SPRR2B: variants seen among roughly 807,000 people sequenced by gnomAD.
SPRR2B encodes small proline rich protein 2B.
Under a neutral mutation model 1.0 loss-of-function variants are expected in SPRR2B, and 1 was observed. The observed-to-expected ratio is 1.01, with a 90% CI of 0.36 to 4.77. The LOEUF is 4.77. SPRR2B is among the 30% of genes most tolerant of loss of function. The pLI, the probability that SPRR2B is intolerant of heterozygous loss-of-function variation, is 0.16. For missense variants in SPRR2B, 53 were observed against 88.7 expected, an observed-to-expected ratio of 0.60 and a Z score of 1.62; for synonymous variants, 27 against 33.4, an observed-to-expected ratio of 0.81 and a Z score of 0.66.
chr1:153,081,990 T>C, the SPRR2B span, among the ~76,000 whole-genome samples: 1 of 152,168 alleles, frequency 6.6e-6, no homozygotes, highest in Non-Finnish European at 1.5e-5. Flanking sequence ...AAGTTTTGTA[T>C]TTTTAGTAGA....
chr1:153,070,538 G>C lies in SPRR2B; in HGVS notation c.*83C>G. 3 of 1,557,646 alleles carry C rather than the reference G, an allele frequency of 1.9e-6. No homozygotes were observed. The highest frequency in any genetic ancestry group is 2.6e-6 in the Non-Finnish European group (3 of 1,150,986). On this transcript the variant is annotated 3_prime_UTR_variant, in exon 2 of 2. Coordinates refer to ENST00000368755, the MANE Select transcript of SPRR2B (RefSeq NM_001388198.1). The stretch of plus-strand genomic sequence containing the variant: ...TCCCTATGAATCCATGATAAGCTTT[G>C]ATGAGAAGATGAAGGTGGAGCTGTG...
At chr1:153,085,368 C>T in the SPRR2B span, among the ~76,000 whole-genome samples, 1 of 152,110 alleles carries the variant, frequency 6.6e-6, no homozygotes, top group African/African-American at 2.4e-5. Flanking sequence ...CTACAAAATT[C>T]ATTTTTTGTT....
chr1:153,079,987 C>T, the SPRR2B span, among the ~76,000 whole-genome samples: 1 of 152,098 alleles, frequency 6.6e-6, no homozygotes, highest in African/African-American at 2.4e-5. Flanking sequence ...TTGATTCTTC[C>T]TATCCATGAG....
chr1:153,071,466 A>AT (rs1399435275), intron 1 of SPRR2B, among the ~76,000 whole-genome samples, 103 bp downstream of exon 1: 1 of 152,196 alleles, frequency 6.6e-6, no homozygotes, highest in African/African-American at 2.4e-5. Flanking sequence ...ACTAAGTACC[A>AT]TCAAACCCAT....
chr1:153,079,458 G>A, the SPRR2B span, among the ~76,000 whole-genome samples: 1 of 152,140 alleles, frequency 6.6e-6, no homozygotes, highest in Non-Finnish European at 1.5e-5. Context: ...GTACTGAATG[G>A]TATTGCCTAG....
the SPRR2B span, among the ~76,000 whole-genome samples, chr1:153,084,953 A>G: frequency 3.9e-5 from 6 of 152,248 alleles, no homozygotes; most frequent in African/African-American, 1.4e-4. Flanking sequence ...GAAGCCAGTC[A>G]TCTGAATTGA....
At chr1:153,078,831 C>A in the SPRR2B span, among the ~76,000 whole-genome samples, 1 of 152,198 alleles carries the variant, frequency 6.6e-6, no homozygotes, top group African/African-American at 2.4e-5. Flanking sequence ...CATATGTGTG[C>A]ATTTGTCTTT....
chr1:153,084,380 T>A, the SPRR2B span, among the ~76,000 whole-genome samples: 1 of 152,064 alleles, frequency 6.6e-6, no homozygotes, highest in African/African-American at 2.4e-5. Flanking sequence ...CAGCCCCAAC[T>A]TTCATGCCAA....
upstream of SPRR2B, among the ~76,000 whole-genome samples, chr1:153,076,415 C>A (rs1187592919): frequency 1.3e-5 from 2 of 152,116 alleles, no homozygotes. Flanking sequence ...AATTCAGATA[C>A]TTCTACTTGT....
upstream of SPRR2B, among the ~76,000 whole-genome samples, chr1:153,076,156 C>G (rs1265852961): frequency 1.3e-5 from 2 of 152,138 alleles, no homozygotes; most frequent in Non-Finnish European, 2.9e-5. Context: ...AAAGATTGCT[C>G]ATTTAAATAT....
the SPRR2B span, among the ~76,000 whole-genome samples, chr1:153,077,321 G>A: frequency 7.0e-4 from 106 of 152,276 alleles, 1 homozygote; most frequent in African/African-American, 2.5e-3. Flanking sequence ...TTCATTGTCT[G>A]TAGATTTTGT....
the SPRR2B span, among the ~76,000 whole-genome samples, chr1:153,077,582 A>G: frequency 0.52 from 78,342 of 151,486 alleles, 20,404 homozygotes; most frequent in East Asian, 0.66. Flanking sequence ...CAAAAAAAAA[A>G]GGATAGAGTT....
rs2101611012 is a variant in SPRR2B, at chr1:153,071,580, A to G, written c.-31T>C. On this transcript the variant is annotated 5_prime_UTR_variant, in exon 1 of 2. Coordinates refer to ENST00000368755, the MANE Select transcript of SPRR2B (RefSeq NM_001388198.1). ...GGAAGCAGACTAACCAGTTTCTCCA[A>G]AGCAGATCGGTGCTCGAGTACCAGG... Among the ~76,000 whole-genome samples the G allele has an allele frequency of 6.6e-6, 1 of 152,274 alleles. No individual in the cohort carries two copies. The highest frequency in any genetic ancestry group is 2.1e-4 in the South Asian group (1 of 4,822).
chr1:153,082,757 A>G, the SPRR2B span, among the ~76,000 whole-genome samples: 28 of 139,756 alleles, frequency 2.0e-4, no homozygotes, highest in Non-Finnish European at 2.7e-4. Context: ...ATTTTTAATG[A>G]AAAAAAAAAG....
At chr1:153,072,331 A>G (rs566477824), upstream of SPRR2B, among the ~76,000 whole-genome samples, 1 of 152,352 alleles carries the variant, frequency 6.6e-6, no homozygotes, top group Non-Finnish European at 1.5e-5. Context: ...TACTGCTGCT[A>G]TCAAGGATGT....
chr1:153,078,850 A>G, the SPRR2B span, among the ~76,000 whole-genome samples: 6 of 152,376 alleles, frequency 3.9e-5, no homozygotes, highest in African/African-American at 1.4e-4. Context: ...TTATAGCAGC[A>G]TGATTTATAA....
chr1:153,086,568 A>T, the SPRR2B span, among the ~76,000 whole-genome samples: 4 of 152,172 alleles, frequency 2.6e-5, no homozygotes. Context: ...TAGACTCCCC[A>T]GTAATTATAG....
upstream of SPRR2B, among the ~76,000 whole-genome samples, chr1:153,075,430 C>A (rs1260843549): frequency 1.3e-5 from 2 of 151,666 alleles, no homozygotes; most frequent in Middle Eastern, 3.4e-3. Flanking sequence ...TAAAAAAAAT[C>A]AGGAATGAGT....
At chr1:153,086,119 A>G in the SPRR2B span, among the ~76,000 whole-genome samples, 1 of 152,236 alleles carries the variant, frequency 6.6e-6, no homozygotes, top group South Asian at 2.1e-4. Context: ...AGGCAACCAC[A>G]TAAACAAGTT....
Sources: allele counts gnomAD v4.1 joint callset (sites outside exome capture counted in the v4.1 genomes callset), GRCh38; gene constraint gnomAD v4.1.1; transcripts MANE v1.5; gene names NCBI Gene and HGNC (gene_info 2026-07-23, HGNC 2026-07-21).